The following PCNX4 variants were observed in gnomAD, a reference collection of about 807,000 sequenced individuals.
PCNX4 encodes pecanex 4, also known as pecanex-like protein 4.
A neutral mutation model predicts 107.2 loss-of-function variants in PCNX4; 103 were observed. The ratio of observed to expected loss-of-function variants is 0.96; its 90% CI spans 0.82 to 1.13. PCNX4 has a LOEUF of 1.13. Among genes scored for constraint, PCNX4 ranks in the 50% most tolerant of loss-of-function variants. The pLI, the probability that PCNX4 is intolerant of heterozygous loss-of-function variation, is 0.00. For synonymous variants in PCNX4, 541 were observed against 481.7 expected, an observed-to-expected ratio of 1.12 and a Z score of -1.61; for missense variants, 1,528 against 1,379.4, an observed-to-expected ratio of 1.11 and a Z score of -1.71.
intron 1 of PCNX4, among the ~76,000 whole-genome samples, chr14:60,100,582 A>G (rs989835429): frequency 6.6e-6 from 1 of 152,224 alleles, no homozygotes; most frequent in Admixed American, 6.5e-5. Flanking sequence ...TACAGGCATG[A>G]GCCACCGTGC....
At position 60,147,928 on chromosome 14, in the gene PCNX4, G is replaced by C. The variant is rs1364993188; in HGVS notation, c.*13707G>C. The C allele has an allele frequency of 6.6e-6, 1 of 152,154 alleles. No individual in the cohort carries two copies. Among genetic ancestry groups the C allele is most frequent in the Non-Finnish European group, 1.5e-5 (1 of 68,044 alleles). 9.4% of individuals were successfully genotyped at this position (152,154 alleles called of 1,614,324 possible). On this transcript the variant is annotated 3_prime_UTR_variant, in exon 11 of 11. Coordinates refer to ENST00000406854, the MANE Select transcript of PCNX4 (RefSeq NM_001330177.2). ...AGCTGTCCTCCATATTTAAAACTCA[G>C]GTATACTCTTTGATGAAACTCTACC...
Position 60,114,748 on chromosome 14 carries a change from C to T in PCNX4, c.738C>T (p.His246=), listed in dbSNP as rs1895807818. The T allele has an allele frequency of 3.1e-6, 5 of 1,613,476 alleles. No homozygotes were observed. The highest frequency in any genetic ancestry group is 1.3e-5 in the African/African-American group (1 of 74,834). Residue 246 remains histidine, a synonymous_variant, in exon 3 of 11, where the codon CAC becomes CAT. Coordinates refer to ENST00000406854, the MANE Select transcript of PCNX4 (RefSeq NM_001330177.2). ...PALEHMNQIL[H]ILFVFLPFLW... Reference sequence around the variant, plus strand: ...TAGAACACATGAATCAGATTTTACACATCTTGTTTGTATTTTTACCCTTTC... The same window carrying T: ...TAGAACACATGAATCAGATTTTACATATCTTGTTTGTATTTTTACCCTTTC...
chr14:60,115,321 G>C lies in PCNX4; in HGVS notation c.1217G>C (p.Arg406Thr), dbSNP rs1008198877. The stretch of plus-strand genomic sequence containing the variant: ...TTACTTATAATACTGTGGATACTTA[G>C]AGAAATTCAAAGCGTATATATCATT... ...MILLIILWIL[R>T]EIQSVYIIGI... is the part of the protein sequence containing the mutation. The change falls in exon 4 of 11, where the codon AGA becomes ACA. Residue 406 changes from arginine (R) to threonine (T), a missense_variant. Transcript: ENST00000406854. The C allele has an allele frequency of 2.5e-6, 4 of 1,608,078 alleles. No homozygotes were observed. The African/African-American group carries it at 4.0e-5, about 16-fold the overall frequency.
chr14:60,126,796 C>CT (rs1204172490), intron 10 of PCNX4, among the ~76,000 whole-genome samples: 3 of 152,208 alleles, frequency 2.0e-5, no homozygotes, highest in Admixed American at 6.5e-5. Flanking sequence ...GGGATGGAGA[C>CT]TTTATCTTGG....
rs763096800 is a variant in PCNX4 at position 60,145,201 on chromosome 14, T to C, written c.*10980T>C. The C allele has an allele frequency of 6.6e-6, 3 of 457,412 alleles. No individual in the cohort carries two copies. Among genetic ancestry groups the C allele is most frequent in the Non-Finnish European group, 7.6e-6 (2 of 264,606 alleles). 28.3% of individuals were successfully genotyped at this position (457,412 alleles called of 1,614,324 possible). ...CCAAAATTCTAGATGTACACAAAAGTACTTCTAATGAGTTTAGCATCATCT... is the reference window on the plus strand; with the variant it reads ...CCAAAATTCTAGATGTACACAAAAGCACTTCTAATGAGTTTAGCATCATCT... On this transcript the variant is annotated 3_prime_UTR_variant, in exon 11 of 11. Transcript: ENST00000406854. The surrounding 1 kb of genome is among the most constrained non-coding windows in gnomAD (Gnocchi z 4.0).
In PCNX4 at chr14:60,140,136, T is replaced by G. The variant is rs1241910057; in HGVS notation, c.*5915T>G. 6.6e-6 allele frequency: 1 copy of G among 152,082 alleles called. No homozygotes were observed. The highest frequency in any genetic ancestry group is 1.9e-4 in the East Asian group (1 of 5,194). The allele number at this position is 152,082 out of a possible 1,614,324, so 9.4% of individuals were successfully genotyped here. A position where few individuals can be genotyped will look rare whatever the true frequency, so the allele number is the denominator to read the frequency against. ...GATAATTGATAAGTGTCTGGTAGAC[T>G]GAAAAAGGAAGAAACACAAACAACC... On this transcript the variant is annotated 3_prime_UTR_variant, in exon 11 of 11. Coordinates refer to ENST00000406854, the MANE Select transcript of PCNX4 (RefSeq NM_001330177.2). The surrounding 1 kb of genome is among the most constrained non-coding windows in gnomAD (Gnocchi z 4.2).
intron 8 of PCNX4, 141 bp downstream of exon 8, chr14:60,121,440 A>G: frequency 3.4e-6 from 3 of 889,400 alleles, no homozygotes; most frequent in Non-Finnish European, 4.9e-6. Context: ...TTTTTAAAGT[A>G]TATTTCAATA....
intron 6 of PCNX4, among the ~76,000 whole-genome samples, chr14:60,117,020 T>C (rs1007029112): frequency 1.3e-5 from 2 of 152,106 alleles, no homozygotes; most frequent in African/African-American, 4.8e-5. Context: ...TTAAGCTAAG[T>C]GTCATTACAA....
chr14:60,114,193 C>T (rs1257626151), intron 2 of PCNX4, among the ~76,000 whole-genome samples: 1 of 152,188 alleles, frequency 6.6e-6, no homozygotes, highest in East Asian at 1.9e-4. Flanking sequence ...AAGAGAAGAG[C>T]TTTCCCTCTT....
At chr14:60,103,116 G>GT (rs1169859253) in intron 1 of PCNX4, among the ~76,000 whole-genome samples, 1 of 152,124 alleles carries the variant, frequency 6.6e-6, no homozygotes, top group Non-Finnish European at 1.5e-5. Context: ...TTCTCTGATA[G>GT]TTTTTTCCTT....
Position 60,148,126 on chromosome 14 carries a change from A to G in PCNX4, c.*13905A>G. 1 of 152,118 alleles carries G rather than the reference A, an allele frequency of 6.6e-6. No individual in the cohort carries two copies. Among genetic ancestry groups the G allele is most frequent in the East Asian group, 1.9e-4 (1 of 5,194 alleles). The allele number at this position is 152,118 out of a possible 1,614,324, so 9.4% of individuals were successfully genotyped here. On this transcript the variant is annotated 3_prime_UTR_variant, in exon 11 of 11. Coordinates refer to ENST00000406854, the MANE Select transcript of PCNX4 (RefSeq NM_001330177.2). This position sits in a 1 kb window ranked among gnomAD's most constrained non-coding sequence, Gnocchi z 4.8. ...TCATGACCCAGTCTGATAACCTTTT[A>G]TGTCTCTTAAGCATTTTGTTGTGTT...
chr14:60,112,484 T>G (rs1417871647), intron 2 of PCNX4, among the ~76,000 whole-genome samples: 1 of 152,228 alleles, frequency 6.6e-6, no homozygotes, highest in Admixed American at 6.5e-5. Flanking sequence ...ATGATCCATT[T>G]GGAGCTAAGT....
At position 60,124,217 on chromosome 14, in the gene PCNX4, G is replaced by A; in HGVS notation, c.2047-1G>A. 1 of 1,555,254 alleles carries A rather than the reference G, an allele frequency of 6.4e-7. No homozygotes were observed. On this transcript the variant is annotated splice_acceptor_variant, in intron 8 of 10. Transcript: ENST00000406854. LOFTEE classifies it high-confidence loss of function. ...TCAAGTACTTTTTATTTCTTCTTTA[G>A]GGGTTAGAATTGCAGGAAACATCCT...
chr14:60,125,232 C>T lies in PCNX4; in HGVS notation c.3061C>T (p.Leu1021=), dbSNP rs1190170005. ...WLTEKPELFQ[L]ALKAFRYTLK... ...CACAGAAAAGCCAGAACTGTTTCAA[C>T]TAGCACTGAAAGCATTCAGGTAATC... The change falls in exon 9 of 11, where the codon CTA becomes TTA. Residue 1021 remains leucine, a synonymous_variant. Transcript: ENST00000406854. The T allele has an allele frequency of 6.3e-7, 1 of 1,578,382 alleles. No homozygotes were observed.
At chr14:60,116,090 A>G in intron 6 of PCNX4, 30 bp downstream of exon 6, 1 of 1,537,370 alleles carries the variant, frequency 6.5e-7, no homozygotes, top group Non-Finnish European at 8.8e-7. Flanking sequence ...GCTTTACTGA[A>G]ATATATTTTA....
intron 8 of PCNX4, among the ~76,000 whole-genome samples, chr14:60,123,775 C>T (rs1895996827): frequency 6.6e-6 from 1 of 152,082 alleles, no homozygotes; most frequent in Non-Finnish European, 1.5e-5. Flanking sequence ...TAAATTCTGG[C>T]ACATCCATAC....
intron 10 of PCNX4, among the ~76,000 whole-genome samples, chr14:60,130,984 G>GGGAT: frequency 6.6e-6 from 1 of 151,916 alleles, no homozygotes; most frequent in Non-Finnish European, 1.5e-5. Context: ...GCCCCATGAT[G>GGGAT]GGATTAGTGC....
Position 60,137,592 on chromosome 14 carries a change from A to T in PCNX4, c.*3371A>T, listed in dbSNP as rs1896254445. 6.6e-6 allele frequency: 1 copy of T among 152,210 alleles called. No homozygotes were observed. Among genetic ancestry groups the T allele is most frequent in the South Asian group, 2.1e-4 (1 of 4,832 alleles). 9.4% of individuals were successfully genotyped at this position (152,210 alleles called of 1,614,324 possible). ...TGAGGAAACAAGACAACATGATGAA[A>T]ATCCGAAAGAAGCGACAGATGATGG... On this transcript the variant is annotated 3_prime_UTR_variant, in exon 11 of 11. Transcript: ENST00000406854.
At chr14:60,129,126 G>A (rs572532951) in intron 10 of PCNX4, among the ~76,000 whole-genome samples, 14 of 152,052 alleles carry the variant, frequency 9.2e-5, no homozygotes, top group Non-Finnish European at 1.8e-4. Flanking sequence ...TGTAATCCCA[G>A]CTACTTGGGA....
Sources: gnomAD v4.1 joint callset for allele counts (sites outside exome capture counted in the v4.1 genomes callset) on GRCh38, gnomAD v4.1.1 for gene constraint, Gnocchi (gnomAD v3.1) non-coding constraint, MANE v1.5 for transcripts, NCBI Gene and HGNC (gene_info 2026-07-23, HGNC 2026-07-21) for gene names.